DAAM1: variants seen among roughly 807,000 people sequenced by gnomAD.
DAAM1 encodes the protein disheveled-associated activator of morphogenesis 1.
In DAAM1, 52 loss-of-function variants were observed where a neutral mutation model predicts 130.0. The observed-to-expected ratio is 0.40, with a 90% CI of 0.32 to 0.50. The LOEUF (loss-of-function observed/expected upper bound fraction) is 0.50. Among genes scored for constraint, DAAM1 ranks in the 20% least tolerant of loss-of-function variants. DAAM1 has a pLI of 0.61. For synonymous variants in DAAM1, 452 were observed against 444.5 expected, an observed-to-expected ratio of 1.02 and a Z score of -0.21; for missense variants, 1,134 against 1,303.8, an observed-to-expected ratio of 0.87 and a Z score of 2.01.
At chr14:59,247,157 A>G (rs543533874) in intron 1 of DAAM1, among the ~76,000 whole-genome samples, 2 of 152,286 alleles carry the variant, frequency 1.3e-5, no homozygotes, top group South Asian at 2.1e-4. Flanking sequence ...CCCTTTCGCC[A>G]TTAAATGGTC....
At chr14:59,309,047 T>C (rs1884476443) in intron 3 of DAAM1, among the ~76,000 whole-genome samples, 5 of 152,204 alleles carry the variant, frequency 3.3e-5, no homozygotes, top group Admixed American at 2.0e-4. Context: ...CTGAAACCAA[T>C]TGCCCTTCTT....
intron 1 of DAAM1, among the ~76,000 whole-genome samples, chr14:59,202,282 A>T (rs1888128369): frequency 6.6e-6 from 1 of 152,198 alleles, no homozygotes; most frequent in South Asian, 2.1e-4. Flanking sequence ...TGCCAGCACT[A>T]CATCTCATGG....
chr14:59,258,783 A>G (rs1882026583), intron 1 of DAAM1, among the ~76,000 whole-genome samples: 1 of 152,220 alleles, frequency 6.6e-6, no homozygotes, highest in Admixed American at 6.5e-5. Flanking sequence ...GGTTTAATAA[A>G]GGACCTTGTA....
chr14:59,359,380 C>T lies in DAAM1; in HGVS notation c.2526-17C>T, dbSNP rs748404578. The T allele has an allele frequency of 1.2e-5, 18 of 1,549,172 alleles. No individual in the cohort carries two copies. The Admixed American group carries it at 2.0e-4, about 17-fold the overall frequency. On this transcript the variant is annotated splice_polypyrimidine_tract_variant and intron_variant, in intron 20 of 24. Coordinates refer to ENST00000360909, the MANE Select transcript of DAAM1 (RefSeq NM_001270520.2). The stretch of plus-strand genomic sequence containing the variant: ...AATAATTTGAATGTTTAATACTCTT[C>T]CCTTCTTCAATTGTAGAAACATTAC...
At chr14:59,344,583 G>A (rs949707664) in intron 16 of DAAM1, among the ~76,000 whole-genome samples, 15 of 152,182 alleles carry the variant, frequency 9.9e-5, no homozygotes, top group Admixed American at 9.8e-4. Context: ...CCTTAAGGTA[G>A]GGTTTCTTTG....
intron 6 of DAAM1, 101 bp from the exon 7 acceptor site, chr14:59,324,027 G>T: frequency 1.4e-6 from 1 of 739,482 alleles, no homozygotes; most frequent in Non-Finnish European, 1.9e-6. Context: ...GCAAGACTCC[G>T]TCTGAAAAAA....
chr14:59,355,036 A>G, intron 19 of DAAM1, 129 bp from the exon 20 acceptor site: 1 of 1,277,316 alleles, frequency 7.8e-7, no homozygotes, highest in Non-Finnish European at 1.1e-6. Context: ...TTGGTAACCC[A>G]ATAACTCAGT....
At chr14:59,227,991 G>T (rs571836598) in intron 1 of DAAM1, among the ~76,000 whole-genome samples, 1 of 152,158 alleles carries the variant, frequency 6.6e-6, no homozygotes, top group African/African-American at 2.4e-5. Flanking sequence ...TTACCTGCAA[G>T]TAAAGACAAC....
intron 3 of DAAM1, among the ~76,000 whole-genome samples, chr14:59,294,583 T>C (rs1883879435): frequency 6.6e-6 from 1 of 152,126 alleles, no homozygotes; most frequent in South Asian, 2.1e-4. Context: ...TTTTTTACTT[T>C]CATGAAAGGT....
intron 2 of DAAM1, chr14:59,264,856 G>GT (rs776745940): frequency 6.6e-6 from 1 of 152,006 alleles, no homozygotes; most frequent in Admixed American, 6.6e-5. Context: ...AGTGTGTGTT[G>GT]TTTCCCCCCA....
At chr14:59,267,167 A>T (rs1203672201) in intron 2 of DAAM1, among the ~76,000 whole-genome samples, 1 of 152,230 alleles carries the variant, frequency 6.6e-6, no homozygotes, top group African/African-American at 2.4e-5. Flanking sequence ...CTTGCAGACC[A>T]TCTTACCTCT....
chr14:59,295,876 T>G (rs1883937979), intron 3 of DAAM1, among the ~76,000 whole-genome samples: 1 of 152,156 alleles, frequency 6.6e-6, no homozygotes, highest in Non-Finnish European at 1.5e-5. Flanking sequence ...TTTCTTTTAC[T>G]GTGGTTGATT....
At chr14:59,242,707 C>T (rs1381807934) in intron 1 of DAAM1, among the ~76,000 whole-genome samples, 8 of 152,044 alleles carry the variant, frequency 5.3e-5, no homozygotes, top group African/African-American at 1.7e-4. Flanking sequence ...TACAGGCACC[C>T]GCCACCACGC....
At chr14:59,188,891 TC>T in intron 1 of DAAM1, 123 bp downstream of exon 1, 1 of 153,100 alleles carries the variant, frequency 6.5e-6, no homozygotes, top group Non-Finnish European at 1.5e-5. Flanking sequence ...TCCTGCTGCC[TC>T]CCCGGAGCTC....
chr14:59,327,164 G>A (rs1274787133), intron 12 of DAAM1, among the ~76,000 whole-genome samples, 173 bp downstream of exon 12: 1 of 151,938 alleles, frequency 6.6e-6, no homozygotes, highest in Non-Finnish European at 1.5e-5. Context: ...AGCTATTTTA[G>A]TTGTCATACT....
chr14:59,272,771 A>AAG (rs1566678438), intron 2 of DAAM1, among the ~76,000 whole-genome samples: 31 of 151,924 alleles, frequency 2.0e-4, no homozygotes, highest in African/African-American at 7.5e-4. Flanking sequence ...AAGATATGCA[A>AAG]TATATCACAA....
At chr14:59,250,683 T>C (rs1566667973) in intron 1 of DAAM1, among the ~76,000 whole-genome samples, 1 of 151,926 alleles carries the variant, frequency 6.6e-6, no homozygotes, top group Non-Finnish European at 1.5e-5. Flanking sequence ...TAGGTACATA[T>C]GGAAATAATA....
At chr14:59,320,607 G>T (rs45610932) in intron 5 of DAAM1, 23 bp downstream of exon 5, 1,883 of 1,247,126 alleles carry the variant, frequency 1.5e-3, no homozygotes, top group Non-Finnish European at 1.8e-3. Context: ...TGGATGGCAT[G>T]TTTTTTTTTT....
At chr14:59,232,864 C>A (rs956609041) in intron 1 of DAAM1, among the ~76,000 whole-genome samples, 1 of 152,046 alleles carries the variant, frequency 6.6e-6, no homozygotes, top group Non-Finnish European at 1.5e-5. Flanking sequence ...CATTGCTCAG[C>A]TCCCACTTAT....
Sources: allele counts gnomAD v4.1 joint callset (sites outside exome capture counted in the v4.1 genomes callset), GRCh38; gene constraint gnomAD v4.1.1; transcripts MANE v1.5; gene names NCBI Gene and HGNC (gene_info 2026-07-23, HGNC 2026-07-21).